The following SPIN1 variants were observed in gnomAD, a reference collection of about 807,000 sequenced individuals.
SPIN1 encodes the protein spindlin-1.
SPIN1 carries 3 observed loss-of-function variants against 26.0 expected under a neutral mutation model. The ratio of observed to expected loss-of-function variants is 0.12; its 90% CI spans 0.05 to 0.30. The LOEUF (loss-of-function observed/expected upper bound fraction) is 0.30. Among genes scored for constraint, SPIN1 ranks in the 10% least tolerant of loss-of-function variants. The pLI, the probability that SPIN1 is intolerant of heterozygous loss-of-function variation, is 1.00. For synonymous variants in SPIN1, 101 were observed against 116.5 expected (o/e 0.87, Z 0.86); for missense variants, 126 against 333.4 (o/e 0.38, Z 4.84).
Position 88,397,647 on chromosome 9 carries a change from A to T in SPIN1, c.-159+9109A>T, listed in dbSNP as rs1371892992. 1.3e-5 allele frequency among the ~76,000 whole-genome samples: 2 copies of T among 150,032 alleles called. 1 individual carries two copies. The highest frequency in any genetic ancestry group is 1.3e-4 in the Admixed American group (2 of 15,036). ...CTGAAGTGTTTTTTTTTTTTTCCCCAGTCTTGCTCTGTCTCCCAGGCTGGA... is the reference window on the plus strand; with the variant it reads ...CTGAAGTGTTTTTTTTTTTTTCCCCTGTCTTGCTCTGTCTCCCAGGCTGGA... On this transcript the variant is annotated intron_variant, in intron 1 of 5. Coordinates refer to ENST00000375859, the MANE Select transcript of SPIN1 (RefSeq NM_006717.3).
chr9:88,447,448 T>C (rs1828273711), intron 2 of SPIN1, among the ~76,000 whole-genome samples: 3 of 152,310 alleles, frequency 2.0e-5, no homozygotes, highest in South Asian at 4.1e-4. Context: ...GTTGGGACTT[T>C]GTTGATGCCC....
At chr9:88,389,084 C>T (rs1459945342) in intron 1 of SPIN1, among the ~76,000 whole-genome samples, 1 of 152,054 alleles carries the variant, frequency 6.6e-6, no homozygotes, top group Non-Finnish European at 1.5e-5. Flanking sequence ...GGGGCCACCC[C>T]TCCCAGGCCC....
At chr9:88,466,275 C>T (rs1828666700) in intron 4 of SPIN1, among the ~76,000 whole-genome samples, 1 of 152,148 alleles carries the variant, frequency 6.6e-6, no homozygotes, top group African/African-American at 2.4e-5. Flanking sequence ...CCTCCTGCCT[C>T]AGTCTCCTGA....
At chr9:88,411,089 AAAT>A in intron 1 of SPIN1, 2 of 1,541,788 alleles carry the variant, frequency 1.3e-6, no homozygotes, top group Non-Finnish European at 1.8e-6. Context: ...GAACTGTTTA[AAAT>A]AATCTCTTAG....
rs980359474 is a variant in SPIN1, at chr9:88,477,278, A to C, written c.*2001A>C. 1 of 152,224 alleles carries C rather than the reference A, an allele frequency of 6.6e-6. No homozygotes were observed. The highest frequency in any genetic ancestry group is 1.5e-5 in the Non-Finnish European group (1 of 68,044). 9.4% of individuals were successfully genotyped at this position (152,224 alleles called of 1,614,324 possible). A position where few individuals can be genotyped will look rare whatever the true frequency, so the allele number is the denominator to read the frequency against. On this transcript the variant is annotated 3_prime_UTR_variant, in exon 6 of 6. Coordinates refer to ENST00000375859, the MANE Select transcript of SPIN1 (RefSeq NM_006717.3). ...TTGCAAGTGTGTCCAGCATGCACCA[A>C]CTGTGCAGAACTTGGCTCGGTAACT...
At chr9:88,442,920 G>T (rs142282337) in intron 2 of SPIN1, among the ~76,000 whole-genome samples, 3,983 of 151,506 alleles carry the variant, frequency 0.026, 172 homozygotes, top group African/African-American at 0.091. Flanking sequence ...AGGAGTTCAA[G>T]ACCAGCCTGA....
intron 1 of SPIN1, among the ~76,000 whole-genome samples, chr9:88,399,222 C>CG (rs1428691745): frequency 6.6e-6 from 1 of 151,744 alleles, no homozygotes; most frequent in Admixed American, 6.6e-5. Flanking sequence ...TTAGTGGAGA[C>CG]GGGGTTTCAC....
intron 1 of SPIN1, chr9:88,410,483 C>CT: frequency 5.5e-6 from 4 of 733,386 alleles, no homozygotes; most frequent in Non-Finnish European, 9.8e-6. Context: ...TGTAGCTTCT[C>CT]TGTCACTTCT....
chr9:88,396,671 C>T (rs1255535994), intron 1 of SPIN1, among the ~76,000 whole-genome samples: 1 of 152,050 alleles, frequency 6.6e-6, no homozygotes, highest in Non-Finnish European at 1.5e-5. Context: ...AATGTAGCCT[C>T]AAGGGTACAC....
intron 1 of SPIN1, 37 bp from the exon 2 acceptor site, chr9:88,426,343 CTT>C: frequency 2.2e-6 from 1 of 450,158 alleles, no homozygotes; most frequent in East Asian, 3.7e-5. Flanking sequence ...ATTTTGCTCT[CTT>C]GATGCTCTAG....
intron 1 of SPIN1, among the ~76,000 whole-genome samples, chr9:88,407,636 C>T (rs543904955): frequency 6.6e-6 from 1 of 150,524 alleles, no homozygotes; most frequent in Admixed American, 6.6e-5. Context: ...CATAGTGAGA[C>T]CTCATCTCTA....
At chr9:88,388,883 C>T (rs996116888) in intron 1 of SPIN1, among the ~76,000 whole-genome samples, 49 of 149,738 alleles carry the variant, frequency 3.3e-4, no homozygotes, top group African/African-American at 1.1e-3. Context: ...TGTTTGGAGC[C>T]GGGCGGGGAG....
chr9:88,458,188 A>G (rs1014846699), intron 3 of SPIN1, among the ~76,000 whole-genome samples: 7 of 152,270 alleles, frequency 4.6e-5, no homozygotes, highest in African/African-American at 1.7e-4. Context: ...AACTTCAATC[A>G]TTCTAGTGGC....
chr9:88,447,735 C>T (rs1828279155), intron 2 of SPIN1, among the ~76,000 whole-genome samples: 1 of 152,136 alleles, frequency 6.6e-6, no homozygotes, highest in Non-Finnish European at 1.5e-5. Flanking sequence ...ACATGTAGTC[C>T]ACAAATTCCA....
chr9:88,393,676 C>T (rs150295122), intron 1 of SPIN1, among the ~76,000 whole-genome samples: 2,674 of 151,846 alleles, frequency 0.018, 36 homozygotes, highest in Non-Finnish European at 0.026. Flanking sequence ...AGGATGGTCT[C>T]GATCTCTTGA....
chr9:88,410,037 C>T (rs899295439), intron 1 of SPIN1, among the ~76,000 whole-genome samples: 4 of 152,040 alleles, frequency 2.6e-5, no homozygotes, highest in Non-Finnish European at 4.4e-5. Context: ...TCAGCTGGTC[C>T]TTAACACTTG....
chr9:88,396,020 C>T (rs1332014737), intron 1 of SPIN1, among the ~76,000 whole-genome samples: 1 of 151,920 alleles, frequency 6.6e-6, no homozygotes, highest in African/African-American at 2.4e-5. Flanking sequence ...GCACTCCAGC[C>T]TGGGTGACAG....
At chr9:88,462,387 C>T (rs1828592385) in intron 3 of SPIN1, 109 bp from the exon 4 acceptor site, 2 of 1,441,504 alleles carry the variant, frequency 1.4e-6, no homozygotes, top group Non-Finnish European at 1.9e-6. Flanking sequence ...TGAGTTTGTA[C>T]ATATTTTGGG....
At chr9:88,418,718 A>G (rs1564027441) in intron 1 of SPIN1, 1 of 152,212 alleles carries the variant, frequency 6.6e-6, no homozygotes, top group African/African-American at 2.4e-5. Context: ...ATACATTGTC[A>G]TTGATTTCTT....
Sources: gnomAD v4.1 joint callset for allele counts (sites outside exome capture counted in the v4.1 genomes callset) on GRCh38, gnomAD v4.1.1 for gene constraint, MANE v1.5 for transcripts, NCBI Gene and HGNC (gene_info 2026-07-23, HGNC 2026-07-21) for gene names.